The following WWOX variants were observed in gnomAD, a reference collection of about 807,000 sequenced individuals.
WWOX encodes WW domain containing oxidoreductase.
WWOX carries 69 observed loss-of-function variants against 46.2 expected under a neutral mutation model. The ratio of observed to expected loss-of-function variants is 1.49; its 90% CI spans 1.23 to 1.82. The LOEUF (loss-of-function observed/expected upper bound fraction) is 1.82. WWOX is among the 40% of genes most tolerant of loss of function. The pLI, the probability that WWOX is intolerant of heterozygous loss-of-function variation, is 0.00. For synonymous variants in WWOX, 359 were observed against 202.6 expected (o/e 1.77, Z -6.56); for missense variants, 919 against 542.6 (o/e 1.69, Z -6.89).
intron 8 of WWOX, among the ~76,000 whole-genome samples, chr16:78,756,069 A>G (rs1367974183): frequency 6.6e-6 from 1 of 152,138 alleles, no homozygotes; most frequent in Non-Finnish European, 1.5e-5. Context: ...AATTCACCCC[A>G]TCTTCAGTCT....
chr16:78,600,642 A>G (rs1034994094), intron 8 of WWOX, among the ~76,000 whole-genome samples: 14 of 152,104 alleles, frequency 9.2e-5, no homozygotes, highest in African/African-American at 1.9e-4. Flanking sequence ...GACTGAGACT[A>G]TAATCTTCTG....
At chr16:78,245,954 G>T (rs1435909577) in intron 5 of WWOX, among the ~76,000 whole-genome samples, 3 of 152,134 alleles carry the variant, frequency 2.0e-5, no homozygotes, top group African/African-American at 7.2e-5. Flanking sequence ...GTTCTCGTCC[G>T]TTCCATATTA....
At chr16:78,119,815 G>A (rs2032999517) in intron 4 of WWOX, among the ~76,000 whole-genome samples, 1 of 151,978 alleles carries the variant, frequency 6.6e-6, no homozygotes, top group African/African-American at 2.4e-5. Flanking sequence ...ACTCTTCTGT[G>A]GTAATGATGA....
chr16:78,642,584 C>T (rs1050192454), intron 8 of WWOX, among the ~76,000 whole-genome samples: 2 of 152,100 alleles, frequency 1.3e-5, no homozygotes, highest in African/African-American at 2.4e-5. Flanking sequence ...ATGAGATTTC[C>T]GGGCAAGTTG....
chr16:78,573,474 C>G (rs553848227), intron 8 of WWOX, among the ~76,000 whole-genome samples: 1 of 152,304 alleles, frequency 6.6e-6, no homozygotes, highest in Non-Finnish European at 1.5e-5. Flanking sequence ...ATACTCCATT[C>G]CATTCTATAT....
intron 8 of WWOX, among the ~76,000 whole-genome samples, chr16:78,903,247 G>T (rs1333931804): frequency 6.6e-6 from 1 of 152,158 alleles, no homozygotes; most frequent in Non-Finnish European, 1.5e-5. Context: ...CTTATTGGTT[G>T]CAGAAAGCAA....
At chr16:78,965,525 G>T (rs2046348490) in intron 8 of WWOX, among the ~76,000 whole-genome samples, 1 of 151,208 alleles carries the variant, frequency 6.6e-6, no homozygotes, top group Non-Finnish European at 1.5e-5. Context: ...AGCCGAGATG[G>T]CACCATTGCA....
At chr16:79,151,229 C>G (rs1326248700) in intron 8 of WWOX, among the ~76,000 whole-genome samples, 1 of 152,172 alleles carries the variant, frequency 6.6e-6, no homozygotes, top group Admixed American at 6.5e-5. Flanking sequence ...CATTTGAAAT[C>G]TGGAACATTC....
chr16:78,416,943 T>C (rs2082810812), intron 6 of WWOX, among the ~76,000 whole-genome samples: 1 of 151,976 alleles, frequency 6.6e-6, no homozygotes, highest in Non-Finnish European at 1.5e-5. Context: ...ATGGCTGAGC[T>C]ACAGTTTCTC....
chr16:79,086,117 A>G (rs1295826451), intron 8 of WWOX, among the ~76,000 whole-genome samples: 4 of 152,084 alleles, frequency 2.6e-5, no homozygotes, highest in Non-Finnish European at 5.9e-5. Flanking sequence ...ACAAACTAAC[A>G]GTCAATATTG....
chr16:78,642,367 C>G (rs924820294), intron 8 of WWOX, among the ~76,000 whole-genome samples: 2 of 152,156 alleles, frequency 1.3e-5, no homozygotes, highest in Non-Finnish European at 2.9e-5. Context: ...TGTTCTGTCC[C>G]TTTATGCTGA....
chr16:79,050,733 G>C (rs1476596174), intron 8 of WWOX, among the ~76,000 whole-genome samples: 1 of 152,214 alleles, frequency 6.6e-6, no homozygotes, highest in Non-Finnish European at 1.5e-5. Context: ...ACATAGGTTG[G>C]GGGAAGGAGG....
chr16:78,448,267 C>T (rs544189192), intron 8 of WWOX, among the ~76,000 whole-genome samples: 1 of 152,240 alleles, frequency 6.6e-6, no homozygotes, highest in East Asian at 1.9e-4. Context: ...AGTAAAATTC[C>T]TCAAGACGAG....
intron 6 of WWOX, among the ~76,000 whole-genome samples, chr16:78,421,852 C>T (rs6564550): frequency 0.086 from 13,136 of 152,066 alleles, 1,620 homozygotes; most frequent in African/African-American, 0.28. Context: ...GCCCCTGCTA[C>T]ATACATGCTT....
chr16:79,065,121 C>G (rs139424641), intron 8 of WWOX, among the ~76,000 whole-genome samples: 3 of 152,250 alleles, frequency 2.0e-5, no homozygotes, highest in African/African-American at 7.2e-5. Flanking sequence ...TGTTTCTCTT[C>G]GCTATGGGGA....
chr16:78,448,310 A>G (rs1379969355), intron 8 of WWOX, among the ~76,000 whole-genome samples: 3 of 152,214 alleles, frequency 2.0e-5, no homozygotes, highest in African/African-American at 4.8e-5. Context: ...AACTCTATGT[A>G]TTAGTTATCT....
chr16:78,414,493 C>G (rs9926269), intron 6 of WWOX, among the ~76,000 whole-genome samples: 12,762 of 152,234 alleles, frequency 0.084, 1,536 homozygotes, highest in African/African-American at 0.27. Context: ...CACTTAAACC[C>G]AGGAGGAGGA....
chr16:79,056,849 G>A (rs1451805102), intron 8 of WWOX, among the ~76,000 whole-genome samples: 1 of 152,130 alleles, frequency 6.6e-6, no homozygotes, highest in Non-Finnish European at 1.5e-5. Flanking sequence ...ATTGTCATAG[G>A]AATAGTTCAA....
At chr16:78,159,857 A>C (rs375969754) in intron 4 of WWOX, among the ~76,000 whole-genome samples, 1 of 151,244 alleles carries the variant, frequency 6.6e-6, no homozygotes, top group East Asian at 1.9e-4. Context: ...TCACTTGTCT[A>C]GTTTTGCTTT....
Sources: gnomAD v4.1 joint callset for allele counts (sites outside exome capture counted in the v4.1 genomes callset) on GRCh38, gnomAD v4.1.1 for gene constraint, MANE v1.5 for transcripts, NCBI Gene and HGNC (gene_info 2026-07-23, HGNC 2026-07-21) for gene names.